Variants in SLC8A1 observed in about 807,000 individuals in gnomAD.
SLC8A1 encodes solute carrier family 8 member A1, also known as sodium/calcium exchanger 1.
In SLC8A1, 18 loss-of-function variants were observed where a neutral mutation model predicts 68.3. The observed-to-expected ratio is 0.26, with a 90% CI of 0.18 to 0.39. The LOEUF is 0.39. Ranked by LOEUF, SLC8A1 falls within the 10% of genes least tolerant of loss-of-function variation. The probability of loss-of-function intolerance (pLI) is 1.00; values close to 1 mark genes in which losing one functional copy is unlikely to be tolerated. For missense variants in SLC8A1, 985 were observed against 1,156.7 expected (o/e 0.85, Z 2.15); for synonymous variants, 475 against 415.5 (o/e 1.14, Z -1.74).
chr2:40,319,643 A>G (rs1451980098), intron 2 of SLC8A1, among the ~76,000 whole-genome samples: 1 of 152,080 alleles, frequency 6.6e-6, no homozygotes, highest in Non-Finnish European at 1.5e-5. Context: ...GCCTGTCACA[A>G]AGCTCCTCCT....
chr2:40,484,891 G>C (rs1704855436), intron 1 of SLC8A1, among the ~76,000 whole-genome samples: 1 of 152,122 alleles, frequency 6.6e-6, no homozygotes, highest in Non-Finnish European at 1.5e-5. Context: ...GAGGTGGAAG[G>C]GGAAGCCAGA....
At chr2:40,374,775 A>G (rs1166948630) in intron 2 of SLC8A1, among the ~76,000 whole-genome samples, 1 of 152,082 alleles carries the variant, frequency 6.6e-6, no homozygotes, top group African/African-American at 2.4e-5. Context: ...CTAGAGGCTG[A>G]TCCCACATGG....
At chr2:40,253,135 A>T (rs569563034) in intron 2 of SLC8A1, among the ~76,000 whole-genome samples, 3 of 109,268 alleles carry the variant, frequency 2.7e-5, no homozygotes, top group African/African-American at 8.0e-5. Flanking sequence ...ACACGTATAT[A>T]TGTATATGTA....
At chr2:40,305,501 G>T (rs899302779) in intron 2 of SLC8A1, among the ~76,000 whole-genome samples, 1 of 152,128 alleles carries the variant, frequency 6.6e-6, no homozygotes. Flanking sequence ...TAACTGAGAG[G>T]ATGGATCAAG....
At position 40,104,510 on chromosome 2, in the gene SLC8A1, A is replaced by G. The variant is rs2125034930; in HGVS notation, c.*10743T>C. 3 of 152,310 alleles carry G rather than the reference A, an allele frequency of 2.0e-5. No individual in the cohort carries two copies. In the South Asian group the frequency reaches 6.2e-4, roughly 32 times the overall value. The allele number at this position is 152,310 out of a possible 1,614,324, so 9.4% of individuals were successfully genotyped here. A position where few individuals can be genotyped will look rare whatever the true frequency, so the allele number is the denominator to read the frequency against. ...GAAAATTAATATTTCTATTTCTGTT[A>G]GAGGAAAGTTTCTTGATAGGTTTCA... is the stretch of plus-strand genomic sequence containing the variant. On this transcript the variant is annotated 3_prime_UTR_variant, in exon 8 of 8. Transcript: ENST00000406785.
At chr2:40,131,085 G>T (rs771157221) in intron 7 of SLC8A1, among the ~76,000 whole-genome samples, 2 of 152,170 alleles carry the variant, frequency 1.3e-5, no homozygotes, top group Non-Finnish European at 2.9e-5. Context: ...TCTGTGTTGG[G>T]TACTTTATAA....
chr2:40,345,325 G>A lies in SLC8A1; in HGVS notation c.1808+83148C>T, dbSNP rs569983340. Among the ~76,000 whole-genome samples the A allele has an allele frequency of 7.2e-5, 11 of 152,228 alleles. No individual in the cohort carries two copies. In the East Asian group the frequency reaches 1.7e-3, roughly 24 times the overall value. On this transcript the variant is annotated intron_variant, in intron 2 of 7. Coordinates refer to ENST00000406785, the Ensembl canonical transcript of SLC8A1. ...ATAAACATGCTAGGAAAATGTTAACGTGCTTCATAAATTATATTTCCATTT... is the reference window on the plus strand; with the variant it reads ...ATAAACATGCTAGGAAAATGTTAACATGCTTCATAAATTATATTTCCATTT...
Position 40,241,879 on chromosome 2 carries a change from G to GTT in SLC8A1, c.1809-64026_1809-64025dup, listed in dbSNP as rs60407688. Among the ~76,000 whole-genome samples the GTT allele has an allele frequency of 4.0e-5, 6 of 151,786 alleles. No homozygotes were observed. In the South Asian group the frequency reaches 6.2e-4, roughly 16 times the overall value. On this transcript the variant is annotated intron_variant, in intron 2 of 7. Transcript: ENST00000406785. ...TCAACAGACAGAAAAATAGATATCA[G>GTT]TTTTTTTCTTATTCTAAAAACAATA...
intron 6 of SLC8A1, among the ~76,000 whole-genome samples, chr2:40,142,145 T>A (rs1390435286): frequency 2.0e-5 from 3 of 152,248 alleles, no homozygotes; most frequent in African/African-American, 7.2e-5. Context: ...TATTACCTAC[T>A]CTTTTTTGTT....
intron 3 of SLC8A1, among the ~76,000 whole-genome samples, chr2:40,175,625 G>A (rs939112869): frequency 6.6e-6 from 1 of 151,980 alleles, no homozygotes; most frequent in African/African-American, 2.4e-5. Flanking sequence ...AAATACAGTG[G>A]AAACATTGTA....
chr2:40,334,141 T>G (rs1391671925), intron 2 of SLC8A1, among the ~76,000 whole-genome samples: 1 of 152,200 alleles, frequency 6.6e-6, no homozygotes, highest in Non-Finnish European at 1.5e-5. Flanking sequence ...AACATAAGTG[T>G]TAGAATTAGC....
At chr2:40,176,248 T>C (rs2048451651) in intron 3 of SLC8A1, among the ~76,000 whole-genome samples, 1 of 152,168 alleles carries the variant, frequency 6.6e-6, no homozygotes, top group Admixed American at 6.5e-5. Flanking sequence ...AATTTATTAA[T>C]AGTGACAAGA....
intron 2 of SLC8A1, among the ~76,000 whole-genome samples, chr2:40,319,930 A>T (rs147226439): frequency 1.0e-3 from 155 of 152,242 alleles, no homozygotes; most frequent in African/African-American, 3.5e-3. Flanking sequence ...AACTGAACAC[A>T]ATATTGCTGA....
chr2:40,346,069 AAAAAG>A (rs1249391419), intron 2 of SLC8A1, among the ~76,000 whole-genome samples: 1 of 150,438 alleles, frequency 6.6e-6, no homozygotes, highest in Admixed American at 6.6e-5. Context: ...AAAAAAAAAA[AAAAAG>A]AAAGAAAGAA....
intron 2 of SLC8A1, among the ~76,000 whole-genome samples, chr2:40,331,963 G>C (rs2076459387): frequency 6.6e-6 from 1 of 151,906 alleles, no homozygotes; most frequent in Non-Finnish European, 1.5e-5. Context: ...TTTTCAGACA[G>C]TTTGAGGTTA....
chr2:40,248,224 A>G (rs1474766922), intron 2 of SLC8A1, among the ~76,000 whole-genome samples: 2 of 152,206 alleles, frequency 1.3e-5, no homozygotes, highest in African/African-American at 4.8e-5. Context: ...AGTTTTCTAC[A>G]GTGATTTGAA....
chr2:40,144,515 G>A (rs1001965801), intron 6 of SLC8A1, among the ~76,000 whole-genome samples: 1 of 151,794 alleles, frequency 6.6e-6, no homozygotes, highest in Admixed American at 6.6e-5. Context: ...ATATTGATTC[G>A]AAGTTTGAGT....
chr2:40,355,637 G>A (rs931913137), intron 2 of SLC8A1, among the ~76,000 whole-genome samples: 4 of 152,104 alleles, frequency 2.6e-5, no homozygotes, highest in East Asian at 1.9e-4. Context: ...TCTAGGGAGT[G>A]GTTTACCCTG....
intron 7 of SLC8A1, among the ~76,000 whole-genome samples, chr2:40,124,828 A>T (rs2037714881): frequency 6.6e-6 from 1 of 152,236 alleles, no homozygotes; most frequent in African/African-American, 2.4e-5. Flanking sequence ...ACTAAGAAAA[A>T]CATTCATGAC....
Sources: gnomAD v4.1 joint callset for allele counts (sites outside exome capture counted in the v4.1 genomes callset) on GRCh38, gnomAD v4.1.1 for gene constraint, MANE v1.5 for transcripts, NCBI Gene and HGNC (gene_info 2026-07-23, HGNC 2026-07-21) for gene names.